The following ANAPC7 variants were observed in gnomAD, a reference collection of about 807,000 sequenced individuals.
The protein encoded by ANAPC7 is anaphase promoting complex subunit 7.
Under a neutral mutation model 63.3 loss-of-function variants are expected in ANAPC7, and 25 were observed. The observed-to-expected ratio is 0.39, with a 90% CI of 0.29 to 0.55. The LOEUF is 0.55. ANAPC7 is among the 20% of genes least tolerant of loss of function. The pLI, the probability that ANAPC7 is intolerant of heterozygous loss-of-function variation, is 0.57. For missense variants in ANAPC7, 516 were observed against 691.7 expected (o/e 0.75, Z 2.85); for synonymous variants, 241 against 251.7 (o/e 0.96, Z 0.40).
At chr12:110,387,957 C>T (rs748942760) in intron 4 of ANAPC7, 65 bp from the exon 5 acceptor site, 1 of 1,556,562 alleles carries the variant, frequency 6.4e-7, no homozygotes, top group Non-Finnish European at 8.8e-7. Context: ...ATGCAAGGAG[C>T]AACGGGCTAC....
At chr12:110,388,332 C>A (rs993264368) in intron 4 of ANAPC7, among the ~76,000 whole-genome samples, 180 bp downstream of exon 4, 1 of 152,062 alleles carries the variant, frequency 6.6e-6, no homozygotes, top group Non-Finnish European at 1.5e-5. Context: ...CCACCATGCC[C>A]GGCCAAAAAC....
Position 110,374,207 on chromosome 12 carries a change from C to T in ANAPC7, c.1635G>A (p.Leu545=). Residue 545 remains leucine, a synonymous_variant, in exon 11 of 11, where the codon CTG becomes CTA. Transcript: ENST00000455511. ...GGGCCGCCTCACTGTCGCTGCCCTC[C>T]AGGTCCCCTTCTTCCCCACTCCCTT... ...DMEGSGEEGD[L]EGSDSEAAQW... 6.2e-7 allele frequency: 1 copy of T among 1,614,050 alleles called. No individual in the cohort carries two copies. The highest frequency in any genetic ancestry group is 8.5e-7 in the Non-Finnish European group (1 of 1,180,028).
intron 10 of ANAPC7, among the ~76,000 whole-genome samples, chr12:110,375,160 C>T (rs1393857513): frequency 6.6e-6 from 1 of 152,194 alleles, no homozygotes; most frequent in Admixed American, 6.6e-5. Flanking sequence ...AACATCTCCT[C>T]GTCTCCTGGT....
At chr12:110,375,704 A>G (rs1240901399) in intron 10 of ANAPC7, 2 of 959,046 alleles carry the variant, frequency 2.1e-6, no homozygotes, top group Non-Finnish European at 2.5e-6. Flanking sequence ...AGATAGAAAC[A>G]TGGGAAAGTA....
intron 3 of ANAPC7, among the ~76,000 whole-genome samples, chr12:110,394,723 G>GTAA (rs1164299993): frequency 6.9e-6 from 1 of 144,528 alleles, no homozygotes; most frequent in Non-Finnish European, 1.5e-5. Flanking sequence ...GCATGCAACT[G>GTAA]TAATCCCAGC....
intron 3 of ANAPC7, among the ~76,000 whole-genome samples, chr12:110,393,742 C>T (rs1291778924): frequency 2.0e-5 from 3 of 151,944 alleles, no homozygotes; most frequent in Non-Finnish European, 4.4e-5. Context: ...TGGCGCATGC[C>T]TGTAATCCCA....
At chr12:110,375,017 G>A (rs78123354) in intron 10 of ANAPC7, among the ~76,000 whole-genome samples, 3,547 of 151,976 alleles carry the variant, frequency 0.023, 143 homozygotes, top group African/African-American at 0.081. Flanking sequence ...GCCAGCAGGC[G>A]TCCCACGCCT....
chr12:110,388,577 C>T lies in ANAPC7; in HGVS notation c.455G>A (p.Arg152His). 2 of 1,614,104 alleles carry T rather than the reference C, an allele frequency of 1.2e-6. No homozygotes were observed. Among genetic ancestry groups the T allele is most frequent in the Non-Finnish European group, 1.7e-6 (2 of 1,180,028 alleles). The stretch of plus-strand genomic sequence containing the variant: ...CTCCTTATAGCTGGTGACTGAAGGG[C>T]GCTCCTGACCAGCCTTCTTGTACAG... ...ANLYKKAGQERPSVTSYKEVL... is the reference protein window; with the variant it reads ...ANLYKKAGQEHPSVTSYKEVL... The change falls in exon 4 of 11, where the codon CGC becomes CAC. Residue 152 changes from arginine to histidine, a missense_variant. Arg to His is a conservative substitution (Grantham distance 29, BLOSUM62 0). This residue lies in a region of ANAPC7 where 185 missense variants were observed against 200.3 expected (regional missense o/e 0.92). Coordinates refer to ENST00000455511, the MANE Select transcript of ANAPC7 (RefSeq NM_016238.3).
intron 1 of ANAPC7, among the ~76,000 whole-genome samples, chr12:110,401,449 C>A (rs1442400631): frequency 6.6e-6 from 1 of 152,060 alleles, no homozygotes; most frequent in Non-Finnish European, 1.5e-5. Flanking sequence ...AGTGGGAGTA[C>A]CCGAGAGTCC....
At chr12:110,396,208 A>T in intron 2 of ANAPC7, 58 bp downstream of exon 2, 1 of 1,509,506 alleles carries the variant, frequency 6.6e-7, no homozygotes. Flanking sequence ...CCTGTTCTAA[A>T]TTCTTGGAGT....
chr12:110,403,678 G>C lies in ANAPC7; in HGVS notation c.-51C>G, dbSNP rs183056626. The C allele has an allele frequency of 1.3e-6, 2 of 1,556,804 alleles. No homozygotes were observed. The highest frequency in any genetic ancestry group is 1.9e-5 in the Admixed American group (1 of 51,368). ...GGCGGCAGCACTGACTCGAAAAGCC[G>C]GTAGAGGATCCTTAGGGAAGACTCC... is the stretch of plus-strand genomic sequence containing the variant. On this transcript the variant is annotated 5_prime_UTR_variant, in exon 1 of 11. Coordinates refer to ENST00000455511, the MANE Select transcript of ANAPC7 (RefSeq NM_016238.3).
At chr12:110,376,373 T>C (rs998059808) in intron 9 of ANAPC7, among the ~76,000 whole-genome samples, 157 bp from the exon 10 acceptor site, 1 of 151,832 alleles carries the variant, frequency 6.6e-6, no homozygotes, top group African/African-American at 2.4e-5. Flanking sequence ...AAATTTTCCA[T>C]CCTGGCTAAC....
intron 2 of ANAPC7, 131 bp from the exon 3 acceptor site, chr12:110,395,351 G>C: frequency 1.1e-6 from 1 of 870,934 alleles, no homozygotes; most frequent in Non-Finnish European, 1.7e-6. Flanking sequence ...GTCTCGCTCT[G>C]TTGCCCAGGC....
chr12:110,403,392 G>A (rs887560852), intron 1 of ANAPC7, 135 bp downstream of exon 1: 4 of 911,292 alleles, frequency 4.4e-6, no homozygotes, highest in African/African-American at 3.4e-5. Flanking sequence ...GCTCCAGGAC[G>A]CCCTCGCAGA....
intron 6 of ANAPC7, among the ~76,000 whole-genome samples, chr12:110,384,810 C>T (rs1003969421): frequency 9.2e-5 from 14 of 152,144 alleles, no homozygotes; most frequent in Admixed American, 3.3e-4. Context: ...GCTACCCTAA[C>T]CCAACCAGAA....
chr12:110,381,443 T>C (rs969170845), intron 8 of ANAPC7, among the ~76,000 whole-genome samples: 11 of 152,272 alleles, frequency 7.2e-5, no homozygotes, highest in Non-Finnish European at 1.0e-4. Context: ...TTCAAGTGAT[T>C]ATCCTGCTTC....
intron 8 of ANAPC7, chr12:110,378,642 C>G (rs1881525070): frequency 1.3e-5 from 2 of 152,126 alleles, no homozygotes; most frequent in Admixed American, 6.6e-5. Flanking sequence ...GAAGAGTCAA[C>G]TCTCAACTCT....
intron 2 of ANAPC7, among the ~76,000 whole-genome samples, chr12:110,395,480 CA>C (rs1262177440): frequency 6.6e-6 from 1 of 151,998 alleles, no homozygotes; most frequent in Non-Finnish European, 1.5e-5. Context: ...TTTGTAAAGA[CA>C]GGGGTCTCAC....
chr12:110,380,692 C>T (rs1473308247), intron 8 of ANAPC7, among the ~76,000 whole-genome samples: 6 of 144,246 alleles, frequency 4.2e-5, no homozygotes, highest in Non-Finnish European at 6.0e-5. Context: ...CGGTGGCTCA[C>T]GCCTGTAATC....
Sources: allele counts gnomAD v4.1 joint callset (sites outside exome capture counted in the v4.1 genomes callset), GRCh38; gene constraint gnomAD v4.1.1; regional missense constraint gnomAD v4.1.1; transcripts MANE v1.5; gene names NCBI Gene and HGNC (gene_info 2026-07-23, HGNC 2026-07-21).